The following AHCTF1 variants were observed in gnomAD, a reference collection of about 807,000 sequenced individuals.
AHCTF1 encodes the protein AT-hook containing transcription factor 1.
AHCTF1 carries 24 observed loss-of-function variants against 248.4 expected under a neutral mutation model. The ratio of observed to expected loss-of-function variants is 0.10; its 90% CI spans 0.07 to 0.14. The LOEUF (loss-of-function observed/expected upper bound fraction) is 0.14. AHCTF1 is among the 10% of genes least tolerant of loss of function. The pLI, the probability that AHCTF1 is intolerant of heterozygous loss-of-function variation, is 1.00. For synonymous variants in AHCTF1, 786 were observed against 929.8 expected (o/e 0.85, Z 2.81); for missense variants, 2,206 against 2,636.2 (o/e 0.84, Z 3.57).
intron 34 of AHCTF1, among the ~76,000 whole-genome samples, chr1:246,843,556 T>A (rs1045196244): frequency 5.3e-5 from 8 of 152,306 alleles, no homozygotes; most frequent in African/African-American, 1.7e-4. Flanking sequence ...CTGTAACTGC[T>A]GGTAAAATAT....
rs1477766237 is a variant in AHCTF1 at position 246,860,958 on chromosome 1, T to C, written c.4073A>G (p.Asp1358Gly). Residue 1358 changes from aspartate (D) to glycine (G), a missense_variant, in exon 29 of 36, where the codon GAT becomes GGT. Transcript: ENST00000648844. The part of the protein sequence containing the change: ...TTNVTEQTEK[D>G]GDKDVFASEV... Reference sequence around the variant, plus strand: ...TGATGCAAATACATCTTTATCTCCATCCTTTTCAGTTTGTTCAGTTACATT... The same window carrying C: ...TGATGCAAATACATCTTTATCTCCACCCTTTTCAGTTTGTTCAGTTACATT... 35 of 1,613,758 alleles carry C rather than the reference T, an allele frequency of 2.2e-5. No homozygotes were observed. Among genetic ancestry groups the C allele is most frequent in the Non-Finnish European group, 2.8e-5 (33 of 1,179,638 alleles).
rs554782185 is a variant in AHCTF1 at position 246,840,170 on chromosome 1, T to C, written c.*636A>G. ...ATTAGTCTTTGACTAATTAAGACTT[T>C]AAAGAGCCTTTAAGCTTGCCGAATA... is the stretch of plus-strand genomic sequence containing the variant. On this transcript the variant is annotated 3_prime_UTR_variant, in exon 36 of 36. Transcript: ENST00000648844. The C allele has an allele frequency of 7.2e-5, 11 of 152,746 alleles. No individual in the cohort carries two copies. The highest frequency in any genetic ancestry group is 3.4e-3 in the Middle Eastern group (1 of 294). 9.5% of individuals were successfully genotyped at this position (152,746 alleles called of 1,614,324 possible).
intron 35 of AHCTF1, 65 bp downstream of exon 35, chr1:246,842,629 G>C: frequency 8.3e-7 from 1 of 1,210,908 alleles, no homozygotes; most frequent in Non-Finnish European, 1.2e-6. Context: ...GAGGATAGTA[G>C]GGTGGGGACA....
chr1:246,897,402 A>G (rs1171267067), intron 12 of AHCTF1, among the ~76,000 whole-genome samples: 1 of 152,234 alleles, frequency 6.6e-6, no homozygotes, highest in Non-Finnish European at 1.5e-5. Flanking sequence ...TGTAGATATC[A>G]AATAAATATA....
At chr1:246,845,511 C>T (rs563283633) in intron 33 of AHCTF1, among the ~76,000 whole-genome samples, 33 of 152,240 alleles carry the variant, frequency 2.2e-4, no homozygotes, top group African/African-American at 3.1e-4. Flanking sequence ...AGTATTTCTA[C>T]GAAAATTATA....
rs1345975900 is a variant in AHCTF1, at chr1:246,867,277, G to A, written c.3314C>T (p.Thr1105Ile). 8.7e-6 allele frequency: 14 copies of A among 1,601,876 alleles called. No homozygotes were observed. The highest frequency in any genetic ancestry group is 1.0e-5 in the Non-Finnish European group (12 of 1,173,702). ...TTTTTGTGATGCTTTTGAAATTGGT[G>A]TTCCAAAAAATGCCTCAGGCAGCTC... ...APELPEAFFG[T>I]PISKASQKIS... Residue 1105 changes from threonine to isoleucine, a missense_variant, in exon 26 of 36, where the codon ACA (threonine) becomes ATA (isoleucine). By Grantham distance (89) the Thr-to-Ile change is moderately conservative. Transcript: ENST00000648844.
intron 21 of AHCTF1, among the ~76,000 whole-genome samples, chr1:246,881,926 T>G (rs1395947090): frequency 6.6e-6 from 1 of 150,918 alleles, no homozygotes; most frequent in Non-Finnish European, 1.5e-5. Flanking sequence ...GTAATCCTCC[T>G]ACCTTGGCCT....
intron 4 of AHCTF1, among the ~76,000 whole-genome samples, chr1:246,911,046 C>T (rs1427544533): frequency 6.6e-6 from 1 of 152,132 alleles, no homozygotes; most frequent in South Asian, 2.1e-4. Flanking sequence ...AACCCTAAAG[C>T]TTAATTTTTT....
chr1:246,870,979 C>T (rs1355860856), intron 24 of AHCTF1, among the ~76,000 whole-genome samples: 2 of 152,132 alleles, frequency 1.3e-5, no homozygotes, highest in Admixed American at 6.5e-5. Context: ...AAACTAAAAA[C>T]AACCAAGCAA....
At chr1:246,872,051 C>CAAAAAAAA (rs753977798) in intron 24 of AHCTF1, among the ~76,000 whole-genome samples, 1 of 83,724 alleles carries the variant, frequency 1.2e-5, no homozygotes, top group African/African-American at 3.7e-5. Context: ...CTATTAATGA[C>CAAAAAAAA]AAAAAAAAAA....
Position 246,898,345 on chromosome 1 carries a change from G to C in AHCTF1, c.1495-9C>G. 6.2e-7 allele frequency: 1 copy of C among 1,606,728 alleles called. No individual in the cohort carries two copies. The highest frequency in any genetic ancestry group is 8.5e-7 in the Non-Finnish European group (1 of 1,176,634). On this transcript the variant is annotated splice_polypyrimidine_tract_variant and intron_variant, in intron 11 of 35. Coordinates refer to ENST00000648844, the MANE Select transcript of AHCTF1 (RefSeq NM_001323342.2). The stretch of plus-strand genomic sequence containing the variant: ...TTTAAAAAAGTCAAAGTCTGTAACA[G>C]ATAAATTAGTAAGGCATCAATCAAT...
At chr1:246,889,617 A>G (rs1664079671) in intron 17 of AHCTF1, among the ~76,000 whole-genome samples, 1 of 152,194 alleles carries the variant, frequency 6.6e-6, no homozygotes, top group Admixed American at 6.5e-5. Flanking sequence ...ACTGATTCCC[A>G]GGTGATTCAG....
chr1:246,870,112 T>C (rs866350218), intron 24 of AHCTF1, among the ~76,000 whole-genome samples: 1 of 152,104 alleles, frequency 6.6e-6, no homozygotes, highest in Admixed American at 6.5e-5. Context: ...AGAAAACAAC[T>C]GCAGATATGG....
At position 246,903,944 on chromosome 1, in the gene AHCTF1, T is replaced by C. The variant is rs1558264744; in HGVS notation, c.966+5A>G. ...ATATAAACCCATAGTCCAATGACCA[T>C]TTACCTCATATAAGATTTGTCCTGA... is the stretch of plus-strand genomic sequence containing the variant. On this transcript the variant is annotated splice_donor_5th_base_variant and intron_variant, in intron 7 of 35. Transcript: ENST00000648844. 1 of 1,609,804 alleles carries C rather than the reference T, an allele frequency of 6.2e-7. No homozygotes were observed.
chr1:246,873,831 G>T (rs1278564954), intron 24 of AHCTF1, among the ~76,000 whole-genome samples: 1 of 152,110 alleles, frequency 6.6e-6, no homozygotes, highest in African/African-American at 2.4e-5. Context: ...CCACAAAAAC[G>T]TTCCCTGTGT....
intron 24 of AHCTF1, among the ~76,000 whole-genome samples, chr1:246,869,012 C>CT (rs765507816): frequency 5.3e-5 from 8 of 150,920 alleles, no homozygotes; most frequent in Non-Finnish European, 8.9e-5. Context: ...GCCTGGCTAA[C>CT]TTTTTCTATT....
At chr1:246,911,224 G>A (rs982089859) in intron 4 of AHCTF1, among the ~76,000 whole-genome samples, 7 of 152,066 alleles carry the variant, frequency 4.6e-5, no homozygotes, top group African/African-American at 1.7e-4. Flanking sequence ...TTTTAATTAC[G>A]AATATAAGCA....
intron 30 of AHCTF1, among the ~76,000 whole-genome samples, chr1:246,856,777 GGCGTAAA>G: frequency 6.6e-6 from 1 of 152,184 alleles, no homozygotes. Flanking sequence ...AGATTTCTCA[GGCGTAAA>G]GCATGTGATT....
chr1:246,888,283 T>C (rs375362581), intron 18 of AHCTF1, 50 bp from the exon 19 acceptor site: 33 of 1,612,754 alleles, frequency 2.0e-5, no homozygotes, highest in Non-Finnish European at 2.7e-5. Context: ...CAGTCATTCA[T>C]TCATTCATGC....
Sources: allele counts gnomAD v4.1 joint callset (sites outside exome capture counted in the v4.1 genomes callset), GRCh38; gene constraint gnomAD v4.1.1; transcripts MANE v1.5; gene names NCBI Gene and HGNC (gene_info 2026-07-23, HGNC 2026-07-21).